The following EXT1 variants were observed in gnomAD, a reference collection of about 807,000 sequenced individuals.
EXT1 encodes exostosin glycosyltransferase 1.
A neutral mutation model predicts 82.5 loss-of-function variants in EXT1; 20 were observed. That is an observed-to-expected ratio of 0.24 (90% CI 0.17 to 0.35). EXT1 has a LOEUF of 0.35. EXT1 is among the 10% of genes least tolerant of loss of function. The pLI is 1.00. For synonymous variants in EXT1, 348 were observed against 350.8 expected, an observed-to-expected ratio of 0.99 and a Z score of 0.09; for missense variants, 757 against 936.5, an observed-to-expected ratio of 0.81 and a Z score of 2.50.
At chr8:118,028,842 A>T (rs942690321) in intron 1 of EXT1, among the ~76,000 whole-genome samples, 2 of 152,150 alleles carry the variant, frequency 1.3e-5, no homozygotes, top group Non-Finnish European at 2.9e-5. Context: ...GAATCGCTTG[A>T]ACCTGGGAGG....
chr8:117,904,645 A>C (rs1209035105), intron 1 of EXT1, among the ~76,000 whole-genome samples: 3 of 152,168 alleles, frequency 2.0e-5, no homozygotes, highest in Admixed American at 1.3e-4. Context: ...CTTATAACTC[A>C]AGTGATTCCC....
intron 1 of EXT1, among the ~76,000 whole-genome samples, chr8:118,032,083 G>A (rs564094977): frequency 7.0e-6 from 1 of 142,762 alleles, no homozygotes; most frequent in East Asian, 2.3e-4. Context: ...ATGCCAAGTC[G>A]TTAAGGTTGG....
chr8:118,078,263 A>G (rs1817245961), intron 1 of EXT1, among the ~76,000 whole-genome samples: 1 of 152,188 alleles, frequency 6.6e-6, no homozygotes, highest in South Asian at 2.1e-4. Flanking sequence ...CAGTGGCACA[A>G]TCTCCACTCA....
At chr8:117,938,877 T>A (rs1814218821) in intron 1 of EXT1, among the ~76,000 whole-genome samples, 1 of 152,218 alleles carries the variant, frequency 6.6e-6, no homozygotes, top group Non-Finnish European at 1.5e-5. Flanking sequence ...GAAATATTTA[T>A]TGAATAATCA....
chr8:117,919,190 G>A (rs552630962), intron 1 of EXT1, among the ~76,000 whole-genome samples: 1 of 151,552 alleles, frequency 6.6e-6, no homozygotes, highest in South Asian at 2.1e-4. Flanking sequence ...AGACATCTGA[G>A]GTGTTTTTTT....
chr8:117,915,480 TTTAAG>T (rs909164801), intron 1 of EXT1, among the ~76,000 whole-genome samples: 19 of 152,164 alleles, frequency 1.2e-4, no homozygotes, highest in African/African-American at 4.1e-4. Context: ...CTGATAGAAA[TTTAAG>T]TTATTTCAAA....
intron 1 of EXT1, among the ~76,000 whole-genome samples, chr8:118,043,369 A>G (rs1379330385): frequency 6.6e-6 from 1 of 152,244 alleles, no homozygotes; most frequent in Non-Finnish European, 1.5e-5. Flanking sequence ...GGAATGGGAC[A>G]GAATTATTTC....
At chr8:117,995,715 G>A (rs1382375514) in intron 1 of EXT1, among the ~76,000 whole-genome samples, 1 of 152,090 alleles carries the variant, frequency 6.6e-6, no homozygotes, top group East Asian at 1.9e-4. Flanking sequence ...CTTCTTCAAA[G>A]ATGCCCCTAT....
At chr8:117,853,461 C>T (rs1057348246) in intron 1 of EXT1, among the ~76,000 whole-genome samples, 3 of 152,152 alleles carry the variant, frequency 2.0e-5, no homozygotes, top group African/African-American at 2.4e-5. Context: ...AGGAGAATCA[C>T]GTGTCTGGAT....
intron 1 of EXT1, among the ~76,000 whole-genome samples, chr8:118,068,825 A>G (rs1817036175): frequency 6.6e-6 from 1 of 152,178 alleles, no homozygotes; most frequent in Non-Finnish European, 1.5e-5. Flanking sequence ...TAGACAAGAG[A>G]CTTTCCTCAA....
chr8:117,845,809 G>A (rs368477419), intron 1 of EXT1, among the ~76,000 whole-genome samples: 1 of 152,078 alleles, frequency 6.6e-6, no homozygotes, highest in East Asian at 1.9e-4. Context: ...CCTGTGGGTG[G>A]GGCACTGAGC....
At chr8:118,028,582 T>C (rs1317354780) in intron 1 of EXT1, among the ~76,000 whole-genome samples, 1 of 151,796 alleles carries the variant, frequency 6.6e-6, no homozygotes, top group Non-Finnish European at 1.5e-5. Context: ...ATTATATTTA[T>C]ATATGAGTAG....
chr8:117,923,655 G>A (rs1813900858), intron 1 of EXT1, among the ~76,000 whole-genome samples: 1 of 150,294 alleles, frequency 6.7e-6, no homozygotes, highest in Non-Finnish European at 1.5e-5. Context: ...GAACCCGGGA[G>A]GTGGAGCTGG....
intron 1 of EXT1, among the ~76,000 whole-genome samples, chr8:118,095,012 A>G (rs1019906463): frequency 9.9e-5 from 15 of 152,180 alleles, no homozygotes; most frequent in Non-Finnish European, 1.5e-5. Flanking sequence ...CATACAACAC[A>G]CATGCAGACA....
intron 1 of EXT1, among the ~76,000 whole-genome samples, chr8:117,952,465 C>T (rs1814508928): frequency 6.6e-6 from 1 of 152,104 alleles, no homozygotes; most frequent in African/African-American, 2.4e-5. Flanking sequence ...ATATAATCAA[C>T]CCTCAAAAAA....
intron 1 of EXT1, among the ~76,000 whole-genome samples, chr8:117,892,498 C>T (rs1244214785): frequency 6.6e-6 from 1 of 152,054 alleles, no homozygotes; most frequent in Admixed American, 6.6e-5. Flanking sequence ...TGGGAGGTCG[C>T]ATCAAACTAC....
chr8:117,967,568 A>G (rs973185800), intron 1 of EXT1, among the ~76,000 whole-genome samples: 4 of 152,206 alleles, frequency 2.6e-5, no homozygotes, highest in Admixed American at 6.5e-5. Flanking sequence ...ACTTTGGGGG[A>G]AAAAGGAAAA....
rs1259208095 is a variant in EXT1, at chr8:117,796,390, A to T, written c.*3322T>A. 1 of 151,288 alleles carries T rather than the reference A, an allele frequency of 6.6e-6. No homozygotes were observed. The highest frequency in any genetic ancestry group is 1.5e-5 in the Non-Finnish European group (1 of 67,916). The allele number at this position is 151,288 out of a possible 1,614,324, so 9.4% of individuals were successfully genotyped here. ...TTTTTTTTTAATTAAAAAAAATAGT[A>T]TATAGGCCTATTCACATTCATTCAT... On this transcript the variant is annotated 3_prime_UTR_variant, in exon 11 of 11. Coordinates refer to ENST00000378204, the MANE Select transcript of EXT1 (RefSeq NM_000127.3).
chr8:118,060,014 C>A (rs756342778), intron 1 of EXT1, among the ~76,000 whole-genome samples: 26 of 152,200 alleles, frequency 1.7e-4, no homozygotes, highest in Non-Finnish European at 3.7e-4. Context: ...TAGAACCACA[C>A]TGAACCTCTA....
Sources: allele counts gnomAD v4.1 joint callset (sites outside exome capture counted in the v4.1 genomes callset), GRCh38; gene constraint gnomAD v4.1.1; transcripts MANE v1.5; gene names NCBI Gene and HGNC (gene_info 2026-07-23, HGNC 2026-07-21).